The following MAGI2 variants were observed in gnomAD, a reference collection of about 807,000 sequenced individuals.
MAGI2 encodes the protein membrane associated guanylate kinase, WW and PDZ domain containing 2.
In MAGI2, 35 loss-of-function variants were observed where a neutral mutation model predicts 133.3. The observed-to-expected ratio is 0.26, with a 90% CI of 0.20 to 0.35. MAGI2 has a LOEUF of 0.35. Ranked by LOEUF, MAGI2 falls within the 10% of genes least tolerant of loss-of-function variation. The pLI, the probability that MAGI2 is intolerant of heterozygous loss-of-function variation, is 1.00. For synonymous variants in MAGI2, 729 were observed against 710.6 expected (o/e 1.03, Z -0.41); for missense variants, 1,636 against 1,863.4 (o/e 0.88, Z 2.25).
chr7:79,330,640 C>T (rs987697466), intron 1 of MAGI2, among the ~76,000 whole-genome samples: 2 of 151,914 alleles, frequency 1.3e-5, no homozygotes, highest in African/African-American at 4.8e-5. Flanking sequence ...CAAGGTTTTA[C>T]ATTACACTCT....
chr7:79,403,573 C>T (rs893248750), intron 1 of MAGI2, among the ~76,000 whole-genome samples: 2 of 151,974 alleles, frequency 1.3e-5, no homozygotes, highest in African/African-American at 2.4e-5. Flanking sequence ...TTCCAGAAAG[C>T]ACAGTATTGA....
At chr7:78,733,571 AG>A (rs2151231621) in intron 2 of MAGI2, among the ~76,000 whole-genome samples, 1 of 152,304 alleles carries the variant, frequency 6.6e-6, no homozygotes, top group South Asian at 2.1e-4. Context: ...AAATAAATTC[AG>A]TGAAATCAAT....
At chr7:79,425,004 G>A (rs567653981) in intron 1 of MAGI2, among the ~76,000 whole-genome samples, 4 of 152,108 alleles carry the variant, frequency 2.6e-5, no homozygotes, top group Admixed American at 2.6e-4. Flanking sequence ...TAAGTCTTGT[G>A]GCCTTTTCTG....
chr7:78,223,398 T>C (rs1789029939), intron 10 of MAGI2, among the ~76,000 whole-genome samples: 1 of 152,112 alleles, frequency 6.6e-6, no homozygotes, highest in South Asian at 2.1e-4. Context: ...AGAGTTAGCT[T>C]TGAGATTTCT....
chr7:79,170,712 G>A (rs1825453222), intron 1 of MAGI2, among the ~76,000 whole-genome samples: 1 of 151,976 alleles, frequency 6.6e-6, no homozygotes, highest in Non-Finnish European at 1.5e-5. Flanking sequence ...GAATGTAAAA[G>A]GATGCCATTG....
At chr7:78,020,211 C>A (rs1484108990) in intron 21 of MAGI2, among the ~76,000 whole-genome samples, 1 of 152,062 alleles carries the variant, frequency 6.6e-6, no homozygotes, top group African/African-American at 2.4e-5. Context: ...GTCCGTGGAC[C>A]GGGGAGGCCA....
At position 78,196,595 on chromosome 7, in the gene MAGI2, G is replaced by A. The variant is rs73703726; in HGVS notation, c.2080-1532C>T. ...CATCATCAATATTTTCAAGCTGGAA[G>A]GGATGTGAGGTGCCATATACTCCAG... is the stretch of plus-strand genomic sequence containing the variant. On this transcript the variant is annotated intron_variant, in intron 11 of 21. Coordinates refer to ENST00000354212, the MANE Select transcript of MAGI2 (RefSeq NM_012301.4). 3.3e-3 allele frequency among the ~76,000 whole-genome samples: 498 copies of A among 152,230 alleles called. 6 individuals are homozygous for A. Among genetic ancestry groups the A allele is most frequent in the African/African-American group, 0.011 (466 of 41,538 alleles).
chr7:79,347,930 G>A (rs34753355), intron 1 of MAGI2, among the ~76,000 whole-genome samples: 3 of 151,784 alleles, frequency 2.0e-5, no homozygotes, highest in African/African-American at 4.8e-5. Context: ...TTAGTATCAC[G>A]TATACATTAT....
chr7:79,075,966 T>G (rs1815426451), intron 1 of MAGI2, among the ~76,000 whole-genome samples: 1 of 152,182 alleles, frequency 6.6e-6, no homozygotes, highest in Non-Finnish European at 1.5e-5. Context: ...AAAATCTGTA[T>G]CCAGAGCCAC....
rs1386043255 is a variant in MAGI2, at chr7:78,982,728, G to A, written c.418+24362C>T. Among the ~76,000 whole-genome samples, 4 of 117,620 alleles carry A rather than the reference G, an allele frequency of 3.4e-5. No homozygotes were observed. In the Admixed American group the frequency reaches 3.6e-4, roughly 11 times the overall value. The allele number at this position is 117,620 out of a possible 152,430, so 77.2% of individuals were successfully genotyped here. On this transcript the variant is annotated intron_variant, in intron 2 of 21. Coordinates refer to ENST00000354212, the MANE Select transcript of MAGI2 (RefSeq NM_012301.4). Reference sequence around the variant, plus strand: ...TGAAAGCCAGGAAGGAACACCTAATGGAAAATGCCTATTTAGAAGGGAAGG... The same window carrying A: ...TGAAAGCCAGGAAGGAACACCTAATAGAAAATGCCTATTTAGAAGGGAAGG...
intron 1 of MAGI2, among the ~76,000 whole-genome samples, chr7:79,056,740 A>G (rs528826095): frequency 3.0e-4 from 46 of 152,354 alleles, no homozygotes; most frequent in African/African-American, 1.1e-3. Flanking sequence ...TGTAATTATT[A>G]TAAAGAATAA....
At chr7:79,101,444 GC>G (rs1817958353) in intron 1 of MAGI2, among the ~76,000 whole-genome samples, 1 of 152,218 alleles carries the variant, frequency 6.6e-6, no homozygotes, top group South Asian at 2.1e-4. Context: ...GGAAAATGGG[GC>G]CGGGCGCAGT....
At chr7:78,619,993 C>A (rs1049566633) in intron 3 of MAGI2, among the ~76,000 whole-genome samples, 1 of 151,832 alleles carries the variant, frequency 6.6e-6, no homozygotes, top group African/African-American at 2.4e-5. Flanking sequence ...ATGTAAAAAA[C>A]AGCTGGACCC....
intron 14 of MAGI2, among the ~76,000 whole-genome samples, chr7:78,173,747 G>T (rs1826329311): frequency 6.6e-6 from 1 of 152,068 alleles, no homozygotes; most frequent in African/African-American, 2.4e-5. Context: ...CAGTCCTCTG[G>T]GTTGGGTACT....
chr7:78,305,940 T>C (rs988210473), intron 9 of MAGI2, among the ~76,000 whole-genome samples: 1 of 152,206 alleles, frequency 6.6e-6, no homozygotes, highest in African/African-American at 2.4e-5. Flanking sequence ...TAATTTTTGC[T>C]GAACACCCTT....
At chr7:78,978,069 T>C (rs1484155513) in intron 2 of MAGI2, among the ~76,000 whole-genome samples, 2 of 151,826 alleles carry the variant, frequency 1.3e-5, no homozygotes, top group Non-Finnish European at 2.9e-5. Context: ...CATTCATTGC[T>C]GGAGTAATAA....
rs990637505 is a variant in MAGI2, at chr7:78,252,887, G to A, written c.2047+3056C>T. The A allele has an allele frequency of 2.0e-5, 3 of 146,490 alleles. No homozygotes were observed. In the Admixed American group the frequency reaches 2.1e-4, roughly 10 times the overall value. The allele number at this position is 146,490 out of a possible 1,614,324, so 9.1% of individuals were successfully genotyped here. ...ACCCAGGAGGTGGAGGTTGCAGTGA[G>A]CCAAGATCGTGCCACTGCACTCCAG... On this transcript the variant is annotated intron_variant, in intron 10 of 21. Transcript: ENST00000354212.
At chr7:79,305,430 A>G (rs1837712667) in intron 1 of MAGI2, among the ~76,000 whole-genome samples, 1 of 152,160 alleles carries the variant, frequency 6.6e-6, no homozygotes, top group Non-Finnish European at 1.5e-5. Context: ...CTGACTAATG[A>G]AGATCCCAAA....
chr7:79,208,269 T>G (rs1379014453), intron 1 of MAGI2, among the ~76,000 whole-genome samples: 4 of 151,788 alleles, frequency 2.6e-5, no homozygotes, highest in Admixed American at 2.6e-4. Flanking sequence ...GGGAAAAATA[T>G]TTTCAAAATA....
Sources: allele counts gnomAD v4.1 joint callset (sites outside exome capture counted in the v4.1 genomes callset), GRCh38; gene constraint gnomAD v4.1.1; transcripts MANE v1.5; gene names NCBI Gene and HGNC (gene_info 2026-07-23, HGNC 2026-07-21).